Variants in GABRB1 observed in about 807,000 individuals in gnomAD.
The protein encoded by GABRB1 is gamma-aminobutyric acid receptor subunit beta-1.
In GABRB1, 17 loss-of-function variants were observed where a neutral mutation model predicts 51.6. The ratio of observed to expected loss-of-function variants is 0.33; its 90% CI spans 0.23 to 0.49. The LOEUF is 0.49. Among genes scored for constraint, GABRB1 ranks in the 20% least tolerant of loss-of-function variants. GABRB1 has a pLI of 0.99. For synonymous variants in GABRB1, 247 were observed against 218.9 expected (o/e 1.13, Z -1.14); for missense variants, 410 against 600.6 (o/e 0.68, Z 3.32).
intron 3 of GABRB1, among the ~76,000 whole-genome samples, chr4:47,156,357 A>C (rs1717699005): frequency 6.6e-6 from 1 of 151,982 alleles, no homozygotes; most frequent in Non-Finnish European, 1.5e-5. Context: ...AGTGTTTCTC[A>C]ACCTTACCAC....
chr4:47,117,320 C>T (rs1043942664), intron 3 of GABRB1, among the ~76,000 whole-genome samples: 1 of 152,150 alleles, frequency 6.6e-6, no homozygotes, highest in African/African-American at 2.4e-5. Flanking sequence ...ATATGCATCC[C>T]TATATAACAT....
chr4:47,362,246 G>A lies in GABRB1; in HGVS notation c.545-41072G>A, dbSNP rs544559375. On this transcript the variant is annotated intron_variant, in intron 5 of 8. Coordinates refer to ENST00000295454, the MANE Select transcript of GABRB1 (RefSeq NM_000812.4). ...ATATAGCAAAATGAGGGTCAGAGCC[G>A]TAGTAGTACAAACTGTTTGGGATTG... is the stretch of plus-strand genomic sequence containing the variant. Among the ~76,000 whole-genome samples, 25 of 152,220 alleles carry A rather than the reference G, an allele frequency of 1.6e-4. 1 individual carries two copies. The South Asian group carries it at 2.9e-3, about 18-fold the overall frequency.
chr4:47,370,582 G>C (rs1239429160), intron 5 of GABRB1, among the ~76,000 whole-genome samples: 1 of 152,180 alleles, frequency 6.6e-6, no homozygotes, highest in Non-Finnish European at 1.5e-5. Context: ...GCTGAAGTTA[G>C]GGTTTATGAT....
intron 3 of GABRB1, among the ~76,000 whole-genome samples, chr4:47,046,113 C>T (rs536874542): frequency 4.6e-5 from 7 of 152,128 alleles, no homozygotes; most frequent in Non-Finnish European, 7.4e-5. Context: ...CTTCTCTCTC[C>T]GGCCACTCTG....
intron 4 of GABRB1, among the ~76,000 whole-genome samples, chr4:47,197,792 G>T (rs555107975): frequency 1.3e-5 from 2 of 152,210 alleles, no homozygotes; most frequent in African/African-American, 4.8e-5. Flanking sequence ...TTCATACTCT[G>T]TCATTCAATA....
At chr4:47,063,188 G>A (rs1046063448) in intron 3 of GABRB1, among the ~76,000 whole-genome samples, 2 of 152,018 alleles carry the variant, frequency 1.3e-5, no homozygotes, top group African/African-American at 4.8e-5. Context: ...AACCACGACC[G>A]ATGCAGGCCT....
intron 1 of GABRB1, among the ~76,000 whole-genome samples, chr4:47,026,544 A>T (rs1282389135): frequency 2.0e-5 from 3 of 152,062 alleles, no homozygotes; most frequent in Non-Finnish European, 4.4e-5. Flanking sequence ...TACAAACAAT[A>T]TATTACCGGT....
At chr4:47,286,373 G>A (rs1174318857) in intron 4 of GABRB1, among the ~76,000 whole-genome samples, 2 of 152,066 alleles carry the variant, frequency 1.3e-5, no homozygotes, top group African/African-American at 4.8e-5. Flanking sequence ...TAAGTATATT[G>A]TGATATTTCT....
chr4:47,386,221 T>C (rs1256519467), intron 5 of GABRB1, among the ~76,000 whole-genome samples: 1 of 152,170 alleles, frequency 6.6e-6, no homozygotes, highest in Non-Finnish European at 1.5e-5. Flanking sequence ...CTCACCAGAA[T>C]CACTGCATTA....
intron 4 of GABRB1, among the ~76,000 whole-genome samples, chr4:47,251,121 C>T (rs949914308): frequency 6.6e-6 from 1 of 152,146 alleles, no homozygotes; most frequent in African/African-American, 2.4e-5. Flanking sequence ...TATTCAGATT[C>T]CTTTGTCCCA....
At chr4:47,153,882 T>C (rs556917978) in intron 3 of GABRB1, among the ~76,000 whole-genome samples, 2 of 152,144 alleles carry the variant, frequency 1.3e-5, no homozygotes, top group Non-Finnish European at 2.9e-5. Flanking sequence ...CACACTAGGC[T>C]ACAGCTGGGA....
chr4:47,009,606 A>T (rs1724531060), intron 1 of GABRB1, among the ~76,000 whole-genome samples: 1 of 152,244 alleles, frequency 6.6e-6, no homozygotes, highest in Non-Finnish European at 1.5e-5. Context: ...GCCTCTGGTT[A>T]GCCAGATGAT....
intron 8 of GABRB1, among the ~76,000 whole-genome samples, chr4:47,418,152 C>T (rs1199076901): frequency 6.6e-6 from 1 of 152,210 alleles, no homozygotes; most frequent in Non-Finnish European, 1.5e-5. Flanking sequence ...TGATTTTTGG[C>T]ATGGCTTTTG....
chr4:47,319,095 T>C (rs894449447), intron 4 of GABRB1, among the ~76,000 whole-genome samples: 5 of 152,126 alleles, frequency 3.3e-5, no homozygotes, highest in Non-Finnish European at 7.4e-5. Flanking sequence ...CTTAAAAATG[T>C]ACTACAATTG....
chr4:47,248,736 T>G (rs2165610), intron 4 of GABRB1, among the ~76,000 whole-genome samples: 134,146 of 151,980 alleles, frequency 0.88, 59,430 homozygotes, highest in East Asian at 0.98. Context: ...TGAGCTAGGA[T>G]GGTTCTATTT....
intron 8 of GABRB1, among the ~76,000 whole-genome samples, chr4:47,422,189 A>C (rs1178432074): frequency 2.0e-5 from 3 of 152,104 alleles, no homozygotes; most frequent in Non-Finnish European, 4.4e-5. Context: ...CATGTGTAAA[A>C]TTCCCATTTC....
At position 47,273,876 on chromosome 4, in the gene GABRB1, C is replaced by T. The variant is rs868475544; in HGVS notation, c.462-46251C>T. On this transcript the variant is annotated intron_variant, in intron 4 of 8. Coordinates refer to ENST00000295454, the MANE Select transcript of GABRB1 (RefSeq NM_000812.4). ...AACCATATATACATACACACACACA[C>T]ACACACACACACACACACACACACA... Among the ~76,000 whole-genome samples the T allele has an allele frequency of 9.2e-4, 139 of 150,736 alleles. 3 individuals are homozygous for T. The highest frequency in any genetic ancestry group is 5.3e-3 in the South Asian group (25 of 4,752).
At chr4:47,346,599 A>G (rs932801498) in intron 5 of GABRB1, among the ~76,000 whole-genome samples, 1 of 152,258 alleles carries the variant, frequency 6.6e-6, no homozygotes, top group Non-Finnish European at 1.5e-5. Context: ...GAACAAGTCT[A>G]TAATGCTGAT....
intron 4 of GABRB1, among the ~76,000 whole-genome samples, chr4:47,258,276 G>A (rs546883192): frequency 1.3e-5 from 2 of 152,240 alleles, no homozygotes; most frequent in African/African-American, 4.8e-5. Flanking sequence ...TTTAATCAGA[G>A]TTCAGAAAAG....
Sources: gnomAD v4.1 joint callset for allele counts (sites outside exome capture counted in the v4.1 genomes callset) on GRCh38, gnomAD v4.1.1 for gene constraint, MANE v1.5 for transcripts, NCBI Gene and HGNC (gene_info 2026-07-23, HGNC 2026-07-21) for gene names.